The following RBKS variants were observed in gnomAD, a reference collection of about 807,000 sequenced individuals.
RBKS encodes the protein ribokinase.
Under a neutral mutation model 33.9 loss-of-function variants are expected in RBKS, and 33 were observed. The observed-to-expected ratio is 0.97, with a 90% confidence interval of 0.74 to 1.30. RBKS has a LOEUF of 1.30. RBKS is among the 50% of genes most tolerant of loss of function. The probability of loss-of-function intolerance (pLI) is 0.00; values close to 1 mark genes in which losing one functional copy is unlikely to be tolerated. For synonymous variants in RBKS, 125 were observed against 143.0 expected, an observed-to-expected ratio of 0.87 and a Z score of 0.90; for missense variants, 361 against 392.6, an observed-to-expected ratio of 0.92 and a Z score of 0.68.
intron 1 of RBKS, among the ~76,000 whole-genome samples, chr2:27,859,359 CTTGT>C (rs1369041152): frequency 6.6e-6 from 1 of 152,142 alleles, no homozygotes; most frequent in African/African-American, 2.4e-5. Flanking sequence ...CATAGCCAAT[CTTGT>C]TTGAGTCAAT....
intron 7 of RBKS, among the ~76,000 whole-genome samples, chr2:27,826,840 T>C (rs1678322511): frequency 6.6e-6 from 1 of 152,216 alleles, no homozygotes; most frequent in Admixed American, 6.5e-5. Flanking sequence ...ACACTTGTCC[T>C]CAGCACAGTA....
At chr2:27,794,305 A>AAATAATAATAATAAT (rs70953884) in intron 7 of RBKS, among the ~76,000 whole-genome samples, 3 of 137,742 alleles carry the variant, frequency 2.2e-5, no homozygotes, top group African/African-American at 2.7e-5. Context: ...CCCCCCCACA[A>AAATAATAATAATAAT]AATAATAATA....
intron 7 of RBKS, among the ~76,000 whole-genome samples, chr2:27,814,039 C>T (rs1678041566): frequency 1.3e-5 from 2 of 151,310 alleles, no homozygotes; most frequent in African/African-American, 4.9e-5. Context: ...GGCTGTGCAA[C>T]AAAGTGAGAC....
At chr2:27,794,305 A>AAAAAAT (rs1553374511) in intron 7 of RBKS, among the ~76,000 whole-genome samples, 1 of 137,742 alleles carries the variant, frequency 7.3e-6, no homozygotes, top group Admixed American at 7.5e-5. Context: ...CCCCCCCACA[A>AAAAAAT]AATAATAATA....
At chr2:27,781,914 TAC>T in intron 7 of RBKS, 126 bp from the exon 8 acceptor site, 1 of 813,520 alleles carries the variant, frequency 1.2e-6, no homozygotes, top group Non-Finnish European at 1.8e-6. Flanking sequence ...ACAAGGATAA[TAC>T]AGAGTTTCCA....
rs186754404 is a variant in RBKS at position 27,881,324 on chromosome 2, C to T, written c.89+8933G>A. Among the ~76,000 whole-genome samples the T allele has an allele frequency of 2.0e-3, 299 of 151,848 alleles. 1 individual carries two copies. Among genetic ancestry groups the T allele is most frequent in the Admixed American group, 5.7e-3 (87 of 15,244 alleles). On this transcript the variant is annotated intron_variant, in intron 1 of 7. Coordinates refer to ENST00000302188, the MANE Select transcript of RBKS (RefSeq NM_022128.3). The stretch of plus-strand genomic sequence containing the variant: ...GGGAGGTTGAGACTGGCAAATCACC[C>T]GAGGTCAGGAGATTGAGACCAGCCT...
intron 1 of RBKS, among the ~76,000 whole-genome samples, chr2:27,878,539 T>C (rs953157683): frequency 2.6e-5 from 4 of 152,196 alleles, no homozygotes; most frequent in African/African-American, 9.7e-5. Flanking sequence ...CCTTTGGATA[T>C]ATACCCAGTA....
chr2:27,850,602 T>A lies in RBKS; in HGVS notation c.223-2505A>T, dbSNP rs1663726589. 3.3e-5 allele frequency among the ~76,000 whole-genome samples: 5 copies of A among 152,230 alleles called. No individual in the cohort carries two copies. In the South Asian group the frequency reaches 1.0e-3, roughly 32 times the overall value. ...GCAGCCTTTTCAGATTGACTTCTTT[T>A]ACTTAGTAATATGCAACTAAAGTTC... On this transcript the variant is annotated intron_variant, in intron 2 of 7. Transcript: ENST00000302188.
chr2:27,805,684 C>T (rs1257954856), intron 7 of RBKS, among the ~76,000 whole-genome samples: 2 of 151,972 alleles, frequency 1.3e-5, no homozygotes, highest in African/African-American at 4.8e-5. Context: ...AAGCGATTCT[C>T]CTGCCTCAGC....
intron 7 of RBKS, among the ~76,000 whole-genome samples, chr2:27,814,583 A>C (rs1412430087): frequency 6.6e-6 from 1 of 152,230 alleles, no homozygotes; most frequent in East Asian, 1.9e-4. Context: ...TAAAACTAAA[A>C]GTTAAAGAGA....
intron 5 of RBKS, among the ~76,000 whole-genome samples, chr2:27,842,647 G>A (rs773249085): frequency 5.3e-5 from 8 of 151,814 alleles, no homozygotes; most frequent in Non-Finnish European, 8.8e-5. Context: ...ACAAGGGGCT[G>A]ATTCAGGAAT....
At chr2:27,868,551 A>G (rs924951427) in intron 1 of RBKS, among the ~76,000 whole-genome samples, 1 of 152,242 alleles carries the variant, frequency 6.6e-6, no homozygotes, top group African/African-American at 2.4e-5. Context: ...TAAAACACAC[A>G]AATATTTACT....
intron 1 of RBKS, among the ~76,000 whole-genome samples, chr2:27,872,913 G>A (rs1035855708): frequency 6.6e-6 from 1 of 152,172 alleles, no homozygotes; most frequent in African/African-American, 2.4e-5. Context: ...GAGGGGTAAA[G>A]GAGGCCAGTA....
intron 4 of RBKS, 77 bp from the exon 5 acceptor site, chr2:27,843,308 A>G: frequency 9.0e-7 from 1 of 1,105,350 alleles, no homozygotes; most frequent in Non-Finnish European, 1.3e-6. Flanking sequence ...TATGAATACA[A>G]TCGCCCTTGT....
Position 27,829,392 on chromosome 2 carries a change from A to G in RBKS, c.607-1637T>C, listed in dbSNP as rs1406209194. On this transcript the variant is annotated intron_variant, in intron 6 of 7. Coordinates refer to ENST00000302188, the MANE Select transcript of RBKS (RefSeq NM_022128.3). ...TTTTTTTTTTTTTTTTTTTGAGACA[A>G]GAGTCTTGCTCTGTCACCCAGGCTG... 8.4e-5 allele frequency among the ~76,000 whole-genome samples: 12 copies of G among 143,424 alleles called. 1 individual carries two copies. The highest frequency in any genetic ancestry group is 5.5e-4 in the Admixed American group (8 of 14,520). 94.1% of individuals were successfully genotyped at this position (143,424 alleles called of 152,430 possible). A position where few individuals can be genotyped will look rare whatever the true frequency, so the allele number is the denominator to read the frequency against.
Position 27,838,873 on chromosome 2 carries a change from G to A in RBKS, c.514+4194C>T, listed in dbSNP as rs1036032624. 1.8e-4 allele frequency among the ~76,000 whole-genome samples: 28 copies of A among 152,206 alleles called. 1 individual carries two copies. Among genetic ancestry groups the A allele is most frequent in the African/African-American group, 6.3e-4 (26 of 41,448 alleles). On this transcript the variant is annotated intron_variant, in intron 5 of 7. Coordinates refer to ENST00000302188, the MANE Select transcript of RBKS (RefSeq NM_022128.3). ...AAACTCCTAGTTATCTTAACTGCAT[G>A]TTAATGGATAGCACAATAATGTCAA...
At chr2:27,864,457 T>C (rs1449556525) in intron 1 of RBKS, among the ~76,000 whole-genome samples, 1 of 152,162 alleles carries the variant, frequency 6.6e-6, no homozygotes, top group Non-Finnish European at 1.5e-5. Context: ...GCCCTATTTA[T>C]TTAAAACTTA....
chr2:27,790,106 A>C (rs1368808759), intron 7 of RBKS, among the ~76,000 whole-genome samples: 1 of 151,624 alleles, frequency 6.6e-6, no homozygotes, highest in East Asian at 1.9e-4. Context: ...CTGAGATTAC[A>C]AGTGTGATTA....
intron 5 of RBKS, among the ~76,000 whole-genome samples, chr2:27,832,989 C>T (rs961436419): frequency 6.6e-6 from 1 of 152,152 alleles, no homozygotes; most frequent in African/African-American, 2.4e-5. Context: ...TTACTTTGTA[C>T]TTTACAACAT....
Sources: gnomAD v4.1 joint callset for allele counts (sites outside exome capture counted in the v4.1 genomes callset) on GRCh38, gnomAD v4.1.1 for gene constraint, MANE v1.5 for transcripts, NCBI Gene and HGNC (gene_info 2026-07-23, HGNC 2026-07-21) for gene names.